Variants in DISC1 observed in about 807,000 individuals in gnomAD.
The protein encoded by DISC1 is DISC1 scaffold protein.
A neutral mutation model predicts 84.5 loss-of-function variants in DISC1; 57 were observed. That is an observed-to-expected ratio of 0.67 (90% CI 0.55 to 0.84). DISC1 has a LOEUF of 0.84. Among genes scored for constraint, DISC1 ranks in the 40% least tolerant of loss-of-function variants. DISC1 has a pLI of 0.00. For missense variants in DISC1, 1,000 were observed against 1,057.8 expected (o/e 0.95, Z 0.76); for synonymous variants, 411 against 415.2 (o/e 0.99, Z 0.12).
intron 10 of DISC1, among the ~76,000 whole-genome samples, chr1:232,001,928 T>C (rs1754605): frequency 0.29 from 43,815 of 152,018 alleles, 6,582 homozygotes; most frequent in African/African-American, 0.34. Context: ...TAAAGATTCA[T>C]GTGAAGAAGA....
intron 9 of DISC1, among the ~76,000 whole-genome samples, chr1:231,871,844 G>T (rs1404794628): frequency 6.6e-6 from 1 of 152,144 alleles, no homozygotes; most frequent in Non-Finnish European, 1.5e-5. Context: ...TGGCACCCTG[G>T]CCAGATCCTG....
rs2065963242 is a variant in DISC1, at chr1:231,698,284, C to A, written c.1047+3479C>A. On this transcript the variant is annotated intron_variant, in intron 2 of 12. Coordinates refer to ENST00000439617, the MANE Select transcript of DISC1 (RefSeq NM_018662.3). The surrounding 1 kb of genome is among the most constrained non-coding windows in gnomAD (Gnocchi z 4.9). The stretch of plus-strand genomic sequence containing the variant: ...AACTTTATAGAACATAACTACAGTA[C>A]TGTGAATAAGGAGAATCGACTGTGA... Among the ~76,000 whole-genome samples the A allele has an allele frequency of 6.6e-6, 1 of 152,156 alleles. No homozygotes were observed. The highest frequency in any genetic ancestry group is 1.5e-5 in the Non-Finnish European group (1 of 68,042).
At chr1:231,802,008 C>T (rs1018622720) in intron 8 of DISC1, among the ~76,000 whole-genome samples, 3 of 151,850 alleles carry the variant, frequency 2.0e-5, no homozygotes, top group African/African-American at 7.3e-5. Flanking sequence ...TTAGTAGAGA[C>T]GGGGTTTCAC....
chr1:231,865,110 C>G (rs540342539), intron 9 of DISC1, among the ~76,000 whole-genome samples: 1 of 152,214 alleles, frequency 6.6e-6, no homozygotes, highest in Non-Finnish European at 1.5e-5. Context: ...CCAGAGAACT[C>G]ACTCCATTTG....
At chr1:231,888,738 CAAAAAAAAAAAA>C (rs34003319) in intron 9 of DISC1, among the ~76,000 whole-genome samples, 1 of 54,042 alleles carries the variant, frequency 1.9e-5, no homozygotes, top group Non-Finnish European at 3.4e-5. Flanking sequence ...GCTCTGTCTC[CAAAAAAAAAAAA>C]AAAAAAAAAA....
intron 10 of DISC1, among the ~76,000 whole-genome samples, chr1:231,988,200 C>T (rs1558811443): frequency 6.6e-6 from 1 of 152,052 alleles, no homozygotes; most frequent in Non-Finnish European, 1.5e-5. Flanking sequence ...AAAAAAGAAC[C>T]GCAACTTGGT....
intron 9 of DISC1, among the ~76,000 whole-genome samples, chr1:231,841,519 T>C (rs2083068053): frequency 6.6e-6 from 1 of 152,264 alleles, no homozygotes; most frequent in South Asian, 2.1e-4. Flanking sequence ...CTGTGCATCA[T>C]GCTGGTGCAA....
intron 9 of DISC1, among the ~76,000 whole-genome samples, chr1:231,887,096 G>A (rs111755263): frequency 0.029 from 4,370 of 151,898 alleles, 92 homozygotes; most frequent in Non-Finnish European, 0.046. Context: ...TCTTGACCTC[G>A]TGATCCACCC....
chr1:231,894,776 T>C (rs946199509), intron 9 of DISC1, among the ~76,000 whole-genome samples: 3 of 138,442 alleles, frequency 2.2e-5, no homozygotes, highest in African/African-American at 5.5e-5. Context: ...TGTGTGTGTG[T>C]GTGCATCTTT....
intron 3 of DISC1, among the ~76,000 whole-genome samples, chr1:231,721,709 G>A (rs1318025154): frequency 6.6e-6 from 1 of 152,040 alleles, no homozygotes; most frequent in Non-Finnish European, 1.5e-5. Flanking sequence ...CCTTAGGGAA[G>A]GCTGAAAGGG....
intron 6 of DISC1, among the ~76,000 whole-genome samples, chr1:231,784,228 A>T (rs1268035757): frequency 6.7e-6 from 1 of 150,204 alleles, no homozygotes; most frequent in African/African-American, 2.5e-5. Context: ...GCACCATTGC[A>T]CTCCAGCCTG....
At chr1:231,941,746 C>T (rs1339858243) in intron 9 of DISC1, among the ~76,000 whole-genome samples, 1 of 152,118 alleles carries the variant, frequency 6.6e-6, no homozygotes, top group African/African-American at 2.4e-5. Flanking sequence ...GCTGGGATTA[C>T]AGGCGTGAGC....
chr1:231,631,627 A>T (rs1269972492), intron 1 of DISC1, among the ~76,000 whole-genome samples: 2 of 152,192 alleles, frequency 1.3e-5, no homozygotes, highest in Non-Finnish European at 2.9e-5. Flanking sequence ...GTAAAAAAAT[A>T]AAAATTAAAA....
chr1:231,967,201 A>T (rs1661240837), intron 10 of DISC1, among the ~76,000 whole-genome samples: 1 of 152,208 alleles, frequency 6.6e-6, no homozygotes, highest in Non-Finnish European at 1.5e-5. Flanking sequence ...CACCTGAAAG[A>T]CCAAGGTCTG....
chr1:231,795,310 T>C lies in DISC1; in HGVS notation c.1689+14T>C, dbSNP rs370765754. 5.0e-5 allele frequency: 81 copies of C among 1,608,022 alleles called. No individual in the cohort carries two copies. Among genetic ancestry groups the C allele is most frequent in the Non-Finnish European group, 6.7e-5 (79 of 1,174,936 alleles). ...ATCACTACTAAGGTAAGTACCTTTA[T>C]ATTCCCATTTTCCAAAGAAGCCTAT... is the stretch of plus-strand genomic sequence containing the variant. On this transcript the variant is annotated intron_variant, in intron 7 of 12. Transcript: ENST00000439617.
intron 8 of DISC1, among the ~76,000 whole-genome samples, chr1:231,808,870 C>G (rs1267658347): frequency 6.6e-6 from 1 of 152,204 alleles, no homozygotes; most frequent in African/African-American, 2.4e-5. Context: ...AGGCAATATA[C>G]ACCACAGTAG....
chr1:231,723,153 C>G, intron 3 of DISC1: 8 of 896,352 alleles, frequency 8.9e-6, no homozygotes, highest in Non-Finnish European at 1.1e-5. Context: ...AAAGTCGGCC[C>G]TCCATATCTG....
intron 1 of DISC1, among the ~76,000 whole-genome samples, chr1:231,670,402 G>A (rs551982474): frequency 1.3e-5 from 2 of 152,290 alleles, no homozygotes; most frequent in African/African-American, 4.8e-5. Context: ...GCAACAGGTG[G>A]TACATGTGTA....
At chr1:232,005,514 G>T (rs1268569502) in intron 10 of DISC1, among the ~76,000 whole-genome samples, 1 of 152,090 alleles carries the variant, frequency 6.6e-6, no homozygotes, top group East Asian at 1.9e-4. Flanking sequence ...GATGGGCCTA[G>T]GTATGTGTTT....
Sources: allele counts gnomAD v4.1 joint callset (sites outside exome capture counted in the v4.1 genomes callset), GRCh38; gene constraint gnomAD v4.1.1; non-coding constraint Gnocchi (gnomAD v3.1); transcripts MANE v1.5; gene names NCBI Gene and HGNC (gene_info 2026-07-23, HGNC 2026-07-21).